Variants in CDH12 observed in about 807,000 individuals in gnomAD.
The protein encoded by CDH12 is cadherin-12.
Under a neutral mutation model 74.1 loss-of-function variants are expected in CDH12, and 41 were observed. The observed-to-expected ratio is 0.55, with a 90% CI of 0.43 to 0.72. CDH12 has a LOEUF of 0.72. CDH12 is among the 30% of genes least tolerant of loss of function. The probability of loss-of-function intolerance (pLI) is 0.00; values close to 1 mark genes in which losing one functional copy is unlikely to be tolerated. For synonymous variants in CDH12, 399 were observed against 355.0 expected (o/e 1.12, Z -1.39); for missense variants, 945 against 977.2 (o/e 0.97, Z 0.44).
chr5:21,894,019 C>T (rs1318867829), intron 6 of CDH12, among the ~76,000 whole-genome samples: 1 of 151,940 alleles, frequency 6.6e-6, no homozygotes, highest in East Asian at 1.9e-4. Flanking sequence ...GGTGCTAGTC[C>T]AAAGAGATGA....
intron 11 of CDH12, among the ~76,000 whole-genome samples, chr5:21,780,664 G>C (rs1219671082): frequency 6.6e-6 from 1 of 152,196 alleles, no homozygotes; most frequent in Non-Finnish European, 1.5e-5. Context: ...AGTTATTGAA[G>C]AGACTACCTC....
intron 2 of CDH12, among the ~76,000 whole-genome samples, chr5:22,428,639 T>A (rs965990306): frequency 6.6e-6 from 1 of 152,186 alleles, no homozygotes; most frequent in South Asian, 2.1e-4. Flanking sequence ...TTTTGTCCTT[T>A]ACTATGTGCT....
intron 1 of CDH12, among the ~76,000 whole-genome samples, chr5:22,527,634 A>G (rs767318265): frequency 6.6e-6 from 1 of 152,146 alleles, no homozygotes; most frequent in Non-Finnish European, 1.5e-5. Context: ...GGCTCCCTTC[A>G]CAAATTTATT....
intron 4 of CDH12, among the ~76,000 whole-genome samples, chr5:22,084,372 G>A (rs1167496010): frequency 6.6e-6 from 1 of 152,006 alleles, no homozygotes; most frequent in Non-Finnish European, 1.5e-5. Context: ...ATTACTTAAT[G>A]GATTAATAAA....
At position 22,613,599 on chromosome 5, in the gene CDH12, C is replaced by T. The variant is rs551621980; in HGVS notation, c.-522-108235G>A. On this transcript the variant is annotated intron_variant, in intron 1 of 14. Transcript: ENST00000382254. Reference sequence around the variant, plus strand: ...TACAGATTTTCGACTGCCAAAACATCTTTACGTGCTGTTTCCAAAGTGTTA... The same window carrying T: ...TACAGATTTTCGACTGCCAAAACATTTTTACGTGCTGTTTCCAAAGTGTTA... Among the ~76,000 whole-genome samples the T allele has an allele frequency of 2.4e-4, 36 of 152,184 alleles. No homozygotes were observed. In the Middle Eastern group the frequency reaches 0.01, roughly 43 times the overall value.
rs752035225 is a variant in CDH12 at position 21,802,462 on chromosome 5, A to G, written c.1003-42T>C. The G allele has an allele frequency of 2.0e-6, 3 of 1,507,110 alleles. No individual in the cohort carries two copies. In the Admixed American group the frequency reaches 5.1e-5, roughly 26 times the overall value. The allele number at this position is 1,507,110 out of a possible 1,614,324, so 93.4% of individuals were successfully genotyped here. A position where few individuals can be genotyped will look rare whatever the true frequency, so the allele number is the denominator to read the frequency against. On this transcript the variant is annotated intron_variant, in intron 9 of 14. Transcript: ENST00000382254. Reference sequence around the variant, plus strand: ...TTAAGAATAAGGAGTAAATTTATATAGAATGTGGCAGAAATGGTGAACATT... The same window carrying G: ...TTAAGAATAAGGAGTAAATTTATATGGAATGTGGCAGAAATGGTGAACATT...
chr5:22,594,210 T>C (rs1046182574), intron 1 of CDH12, among the ~76,000 whole-genome samples: 1 of 152,146 alleles, frequency 6.6e-6, no homozygotes, highest in Non-Finnish European at 1.5e-5. Flanking sequence ...TTAAGGCCCT[T>C]CACATACTCC....
chr5:22,678,505 G>A (rs1741329250), intron 1 of CDH12, among the ~76,000 whole-genome samples: 2 of 152,210 alleles, frequency 1.3e-5, no homozygotes, highest in South Asian at 2.1e-4. Context: ...TATAATGAGA[G>A]CATTGCTTCT....
intron 1 of CDH12, among the ~76,000 whole-genome samples, chr5:22,788,990 A>G (rs545271249): frequency 3.7e-4 from 56 of 152,084 alleles, no homozygotes; most frequent in Admixed American, 9.2e-4. Context: ...AAAACTTTAA[A>G]TTAGAAACTA....
In CDH12 at chr5:21,878,233, T is replaced by C. The variant is rs139204532; in HGVS notation, c.527-23443A>G. On this transcript the variant is annotated intron_variant, in intron 6 of 14. Coordinates refer to ENST00000382254, the MANE Select transcript of CDH12 (RefSeq NM_004061.5). The stretch of plus-strand genomic sequence containing the variant: ...ATGCTACAGTAATTTAGGGTGGTAT[T>C]TGGGTTAGTAATTGTTACAAAAATA... Among the ~76,000 whole-genome samples, 818 of 152,306 alleles carry C rather than the reference T, an allele frequency of 5.4e-3. 8 individuals are homozygous for C. Among genetic ancestry groups the C allele is most frequent in the African/African-American group, 0.018 (768 of 41,554 alleles).
chr5:22,115,608 T>A (rs775022225), intron 4 of CDH12, among the ~76,000 whole-genome samples: 4 of 151,920 alleles, frequency 2.6e-5, no homozygotes, highest in Non-Finnish European at 5.9e-5. Flanking sequence ...AAGTTTGATA[T>A]CAGGGCTGAT....
intron 2 of CDH12, among the ~76,000 whole-genome samples, chr5:22,462,419 T>C (rs115760050): frequency 6.6e-6 from 1 of 152,294 alleles, no homozygotes; most frequent in African/African-American, 2.4e-5. Flanking sequence ...ATGGGCTTCC[T>C]GCAACAAAGC....
At chr5:22,509,938 G>A (rs1736533269) in intron 1 of CDH12, among the ~76,000 whole-genome samples, 1 of 151,922 alleles carries the variant, frequency 6.6e-6, no homozygotes, top group Non-Finnish European at 1.5e-5. Context: ...TAGGACCTCA[G>A]CAGAGCAAGT....
chr5:22,539,881 T>C (rs1738022695), intron 1 of CDH12, among the ~76,000 whole-genome samples: 1 of 152,220 alleles, frequency 6.6e-6, no homozygotes, highest in Non-Finnish European at 1.5e-5. Context: ...GATTTTATGA[T>C]GTCAGCTCAA....
In CDH12 at chr5:22,609,009, A is replaced by G. The variant is rs567477862; in HGVS notation, c.-522-103645T>C. 4.2e-3 allele frequency among the ~76,000 whole-genome samples: 647 copies of G among 152,322 alleles called. 7 individuals are homozygous for G. The highest frequency in any genetic ancestry group is 0.015 in the African/African-American group (621 of 41,570). Reference sequence around the variant, plus strand: ...CCTGGAAGGGCATTGCTACATGACCACAATGGATAGCCAGGCCTTCCAAAT... The same window carrying G: ...CCTGGAAGGGCATTGCTACATGACCGCAATGGATAGCCAGGCCTTCCAAAT... On this transcript the variant is annotated intron_variant, in intron 1 of 14. Transcript: ENST00000382254.
intron 5 of CDH12, among the ~76,000 whole-genome samples, chr5:22,056,429 T>A (rs1178837458): frequency 6.6e-6 from 1 of 152,178 alleles, no homozygotes; most frequent in Non-Finnish European, 1.5e-5. Flanking sequence ...TCTACTATTG[T>A]TCCAAACACA....
rs769843678 is a variant in CDH12, at chr5:22,351,756, T to C, written c.-333+53501A>G. 4.1e-4 allele frequency among the ~76,000 whole-genome samples: 62 copies of C among 152,322 alleles called. 1 individual carries two copies. Among genetic ancestry groups the C allele is most frequent in the Admixed American group, 2.4e-3 (36 of 15,300 alleles). Reference sequence around the variant, plus strand: ...ATATTTATCCTATAGAATTTCACTTTGGTCATTTAGTAACATATGCCCCAT... The same window carrying C: ...ATATTTATCCTATAGAATTTCACTTCGGTCATTTAGTAACATATGCCCCAT... On this transcript the variant is annotated intron_variant, in intron 3 of 14. Transcript: ENST00000382254.
intron 2 of CDH12, among the ~76,000 whole-genome samples, chr5:22,446,860 T>C (rs1744835798): frequency 6.6e-6 from 1 of 152,116 alleles, no homozygotes; most frequent in African/African-American, 2.4e-5. Context: ...AATGTAACTT[T>C]TTATGTTAAC....
chr5:22,503,790 G>A (rs575901610), intron 2 of CDH12, among the ~76,000 whole-genome samples: 124 of 152,016 alleles, frequency 8.2e-4, no homozygotes, highest in Non-Finnish European at 1.4e-3. Context: ...CATTTATCTG[G>A]GCCTTTGGAT....
Sources: gnomAD v4.1 joint callset for allele counts (sites outside exome capture counted in the v4.1 genomes callset) on GRCh38, gnomAD v4.1.1 for gene constraint, MANE v1.5 for transcripts, NCBI Gene and HGNC (gene_info 2026-07-23, HGNC 2026-07-21) for gene names.